Variants in EVL observed in about 807,000 individuals in gnomAD.
EVL encodes Enah/Vasp-like, also known as ena/VASP-like protein.
EVL carries 21 observed loss-of-function variants against 59.6 expected under a neutral mutation model. The observed-to-expected ratio is 0.35, with a 90% CI of 0.25 to 0.51. The LOEUF is 0.51. Among genes scored for constraint, EVL ranks in the 20% least tolerant of loss-of-function variants. The probability of loss-of-function intolerance (pLI) is 0.97; values close to 1 mark genes in which losing one functional copy is unlikely to be tolerated. For missense variants in EVL, 462 were observed against 546.6 expected (o/e 0.85, Z 1.54); for synonymous variants, 198 against 203.5 (o/e 0.97, Z 0.23).
At chr14:100,097,322 T>C (rs567705558) in intron 2 of EVL, among the ~76,000 whole-genome samples, 159 bp from the exon 3 acceptor site, 188 of 151,886 alleles carry the variant, frequency 1.2e-3, no homozygotes, top group Non-Finnish European at 1.5e-3. Context: ...CTATAGATTA[T>C]GGTCTGAAAG....
At chr14:100,102,242 G>C in intron 3 of EVL, 1 of 456,042 alleles carries the variant, frequency 2.2e-6, no homozygotes, top group Non-Finnish European at 4.4e-6. Flanking sequence ...GTGCAGCGCA[G>C]CATAGAGGAA....
Position 100,109,042 on chromosome 14 carries a change from C to T in EVL, c.358+11384C>T, listed in dbSNP as rs1886769236. Among the ~76,000 whole-genome samples the T allele has an allele frequency of 6.6e-6, 1 of 152,224 alleles. No individual in the cohort carries two copies. The highest frequency in any genetic ancestry group is 2.4e-5 in the African/African-American group (1 of 41,446). ...TCCTGACTCAGCCCAGGCCCCAGCTCAGCATCGAGGTCCTGTGGGACCATG... is the reference window on the plus strand; with the variant it reads ...TCCTGACTCAGCCCAGGCCCCAGCTTAGCATCGAGGTCCTGTGGGACCATG... On this transcript the variant is annotated intron_variant, in intron 3 of 13. Transcript: ENST00000392920. This position sits in a 1 kb window ranked among gnomAD's most constrained non-coding sequence, Gnocchi z 4.3.
chr14:100,066,507 G>A (rs1595122049), intron 1 of EVL: 3 of 152,314 alleles, frequency 2.0e-5, no homozygotes, highest in Non-Finnish European at 4.4e-5. Context: ...TAAAATTGAC[G>A]TGGTGATAGG....
At chr14:100,011,154 T>C (rs2061014833) in intron 1 of EVL, among the ~76,000 whole-genome samples, 1 of 152,346 alleles carries the variant, frequency 6.6e-6, no homozygotes, top group East Asian at 1.9e-4. Flanking sequence ...AAGCTATGTT[T>C]AGATATTTTG....
At position 100,128,586 on chromosome 14, in the gene EVL, A is replaced by ACCC. The variant is rs2140379495; in HGVS notation, c.557_558insCCC (p.Pro191dup). ...CCCCCGTCTCATGTAGTGGGCCTCC[A>ACCC]CCGCCCCCCCCACCCCCAGTCCCAC... On this transcript the variant is annotated inframe_insertion, in exon 6 of 14. Transcript: ENST00000392920. The ACCC allele has an allele frequency of 1.9e-6, 2 of 1,041,042 alleles. No individual in the cohort carries two copies. Among genetic ancestry groups the ACCC allele is most frequent in the Non-Finnish European group, 1.4e-6 (1 of 726,498 alleles). 64.5% of individuals were successfully genotyped at this position (1,041,042 alleles called of 1,614,324 possible).
In EVL at chr14:100,143,710, A is replaced by G. The variant is rs774279850; in HGVS notation, c.1229A>G (p.Gln410Arg). The G allele has an allele frequency of 9.9e-6, 16 of 1,612,434 alleles. No individual in the cohort carries two copies. The highest frequency in any genetic ancestry group is 1.3e-5 in the Non-Finnish European group (15 of 1,179,912). The change falls in exon 14 of 14, where the codon CAG becomes CGG. Residue 410 changes from glutamine to arginine, a missense_variant. Coordinates refer to ENST00000392920, the MANE Select transcript of EVL (RefSeq NM_016337.3). ...VKEEIIDAIR[Q>R]ELSGISTT ...GCCACCTGTCCCGCAGCCATCAGGC[A>G]GGAGCTGAGTGGGATCAGCACCACG...
intron 1 of EVL, among the ~76,000 whole-genome samples, chr14:99,992,397 G>A (rs2060881326): frequency 6.6e-6 from 1 of 151,942 alleles, no homozygotes; most frequent in Admixed American, 6.6e-5. Flanking sequence ...CCACTTTGTA[G>A]GTTGTCTTTT....
At chr14:100,019,895 G>A (rs533414863) in intron 1 of EVL, among the ~76,000 whole-genome samples, 19 of 152,328 alleles carry the variant, frequency 1.2e-4, no homozygotes, top group African/African-American at 3.8e-4. Flanking sequence ...GAAGTGCAGC[G>A]TGGATAATTG....
At chr14:100,097,783 C>G (rs1885922763) in intron 3 of EVL, 125 bp downstream of exon 3, 4 of 830,810 alleles carry the variant, frequency 4.8e-6, no homozygotes, top group Non-Finnish European at 7.3e-6. Context: ...TGCATGTGTT[C>G]TCAGAGAAAC....
chr14:100,125,513 G>T (rs1888016477), intron 4 of EVL, among the ~76,000 whole-genome samples: 1 of 151,980 alleles, frequency 6.6e-6, no homozygotes, highest in South Asian at 2.1e-4. Context: ...TGTAGATGCT[G>T]CTGGGAGCTT....
At chr14:100,116,809 T>A (rs544672681) in intron 3 of EVL, among the ~76,000 whole-genome samples, 2 of 152,368 alleles carry the variant, frequency 1.3e-5, no homozygotes, top group African/African-American at 2.4e-5. Context: ...AACATTTTAG[T>A]ATATTTCCTC....
intron 1 of EVL, among the ~76,000 whole-genome samples, chr14:99,986,646 G>C (rs1459274612): frequency 1.3e-5 from 2 of 152,198 alleles, no homozygotes; most frequent in African/African-American, 4.8e-5. Flanking sequence ...TCACTGTGCA[G>C]ATTTCTGGAC....
At position 99,984,239 on chromosome 14, in the gene EVL, A is replaced by T. The variant is rs143876356; in HGVS notation, c.5+12182A>T. On this transcript the variant is annotated intron_variant, in intron 1 of 13. Transcript: ENST00000402714. ...CAGTGATTTAGTCTGTTGTGTCCTT[A>T]CTGCTGCCATAAGACATGATTTGTT... 1.5e-4 allele frequency among the ~76,000 whole-genome samples: 23 copies of T among 152,316 alleles called. 2 individuals carry two copies. The highest frequency in any genetic ancestry group is 5.3e-4 in the African/African-American group (22 of 41,570).
intron 1 of EVL, among the ~76,000 whole-genome samples, chr14:100,046,125 C>T (rs1175274299): frequency 1.3e-5 from 2 of 152,154 alleles, no homozygotes; most frequent in Admixed American, 6.6e-5. Context: ...AAGAAAAACT[C>T]GGGAGACAGT....
chr14:99,999,961 G>A (rs1161404979), intron 1 of EVL, among the ~76,000 whole-genome samples: 1 of 152,188 alleles, frequency 6.6e-6, no homozygotes, highest in Non-Finnish European at 1.5e-5. Flanking sequence ...GCCTTTAGAA[G>A]TGCTTTTTGT....
intron 1 of EVL, among the ~76,000 whole-genome samples, chr14:100,023,324 C>A (rs551450772): frequency 6.6e-6 from 1 of 151,238 alleles, no homozygotes. Flanking sequence ...CCTGCCCTAG[C>A]CTCCTGAGCA....
intron 1 of EVL, among the ~76,000 whole-genome samples, chr14:100,054,119 A>G (rs977122138): frequency 8.1e-5 from 10 of 122,890 alleles, no homozygotes; most frequent in African/African-American, 2.9e-4. Context: ...CAGTGGCGTG[A>G]TCCCAGATCA....
Position 100,127,398 on chromosome 14 carries a change from T to A in EVL, c.487+627T>A, listed in dbSNP as rs1888142866. Among the ~76,000 whole-genome samples, 1 of 152,332 alleles carries A rather than the reference T, an allele frequency of 6.6e-6. No individual in the cohort carries two copies. Among genetic ancestry groups the A allele is most frequent in the East Asian group, 1.9e-4 (1 of 5,176 alleles). ...ACCCTATGAAGTGAGCAGGTGACTA[T>A]TATCCTGTTGACTGATGAGAAACCC... On this transcript the variant is annotated intron_variant, in intron 5 of 13. Transcript: ENST00000392920. This position sits in a 1 kb window ranked among gnomAD's most constrained non-coding sequence, Gnocchi z 4.2.
At position 100,137,650 on chromosome 14, in the gene EVL, C is replaced by A; in HGVS notation, c.1031+6C>A. ...GTGTCCTCGATTCTGTCCAGGTGAG[C>A]TGCCCCAGGAAGGCCTGAGCAGCGA... is the stretch of plus-strand genomic sequence containing the variant. On this transcript the variant is annotated splice_donor_region_variant and intron_variant, in intron 10 of 13. Transcript: ENST00000392920. The A allele has an allele frequency of 1.9e-6, 3 of 1,614,144 alleles. No individual in the cohort carries two copies. Among genetic ancestry groups the A allele is most frequent in the Non-Finnish European group, 2.5e-6 (3 of 1,180,018 alleles).
Sources: gnomAD v4.1 joint callset for allele counts (sites outside exome capture counted in the v4.1 genomes callset) on GRCh38, gnomAD v4.1.1 for gene constraint, Gnocchi (gnomAD v3.1) non-coding constraint, MANE v1.5 for transcripts, NCBI Gene and HGNC (gene_info 2026-07-23, HGNC 2026-07-21) for gene names.